Variants in SAMD4A observed in about 807,000 individuals in gnomAD.
SAMD4A encodes the protein protein Smaug homolog 1.
A neutral mutation model predicts 81.3 loss-of-function variants in SAMD4A; 33 were observed. The observed-to-expected ratio is 0.41, with a 90% CI of 0.31 to 0.54. The LOEUF is 0.54. SAMD4A is among the 20% of genes least tolerant of loss of function. The probability of loss-of-function intolerance (pLI) is 0.37; values close to 1 mark genes in which losing one functional copy is unlikely to be tolerated. For synonymous variants in SAMD4A, 389 were observed against 382.1 expected (o/e 1.02, Z -0.21); for missense variants, 854 against 951.1 (o/e 0.90, Z 1.34).
At chr14:54,582,739 C>G (rs917009907) in intron 2 of SAMD4A, among the ~76,000 whole-genome samples, 1 of 152,124 alleles carries the variant, frequency 6.6e-6, no homozygotes, top group Admixed American at 6.5e-5. Flanking sequence ...TTATACATTT[C>G]CTTCTGTTAT....
At chr14:54,683,410 A>G (rs900088532) in intron 2 of SAMD4A, among the ~76,000 whole-genome samples, 5 of 152,196 alleles carry the variant, frequency 3.3e-5, no homozygotes, top group African/African-American at 1.2e-4. Context: ...AAGATTGAGG[A>G]AAAATGCTGG....
intron 2 of SAMD4A, among the ~76,000 whole-genome samples, chr14:54,645,052 G>A (rs1257942699): frequency 6.6e-6 from 1 of 152,138 alleles, no homozygotes; most frequent in Non-Finnish European, 1.5e-5. Flanking sequence ...AAAGGTTGAT[G>A]GTGTAATAAT....
At chr14:54,638,404 G>C (rs1166324875) in intron 2 of SAMD4A, among the ~76,000 whole-genome samples, 1 of 152,176 alleles carries the variant, frequency 6.6e-6, no homozygotes, top group Non-Finnish European at 1.5e-5. Context: ...TTGAGCCAGA[G>C]CAAAGGAATT....
At chr14:54,770,252 G>C in intron 9 of SAMD4A, 30 bp downstream of exon 9, 1 of 1,467,456 alleles carries the variant, frequency 6.8e-7, no homozygotes. Flanking sequence ...TTTGTAATGC[G>C]TAGTGGTTCC....
intron 2 of SAMD4A, among the ~76,000 whole-genome samples, chr14:54,657,061 C>A (rs549254196): frequency 6.6e-6 from 1 of 151,990 alleles, no homozygotes; most frequent in African/African-American, 2.4e-5. Context: ...ATTCAGGATG[C>A]CTTTTGTAGA....
chr14:54,653,454 C>G (rs1047896500), intron 2 of SAMD4A, among the ~76,000 whole-genome samples: 1 of 151,758 alleles, frequency 6.6e-6, no homozygotes, highest in Non-Finnish European at 1.5e-5. Context: ...ATTCTTCTGC[C>G]TCAGCCTCCT....
At chr14:54,648,757 AAGT>A in intron 2 of SAMD4A, among the ~76,000 whole-genome samples, 1 of 152,094 alleles carries the variant, frequency 6.6e-6, no homozygotes, top group African/African-American at 2.4e-5. Flanking sequence ...ATGTGATGGG[AAGT>A]CTCTGGAAGA....
At chr14:54,761,292 A>G (rs1197741376) in intron 7 of SAMD4A, among the ~76,000 whole-genome samples, 2 of 152,126 alleles carry the variant, frequency 1.3e-5, no homozygotes, top group Non-Finnish European at 2.9e-5. Context: ...TGGAATTTGA[A>G]CCCTGCAGTC....
intron 3 of SAMD4A, among the ~76,000 whole-genome samples, chr14:54,714,290 C>A (rs1159592502): frequency 6.6e-6 from 1 of 152,082 alleles, no homozygotes; most frequent in Admixed American, 6.6e-5. Context: ...TCTAGTTTTT[C>A]TTTTTACAAT....
chr14:54,628,830 G>T (rs956496682), intron 2 of SAMD4A, among the ~76,000 whole-genome samples: 2 of 152,114 alleles, frequency 1.3e-5, no homozygotes, highest in African/African-American at 4.8e-5. Context: ...CTTAATCCAG[G>T]TTCTTCATTC....
intron 2 of SAMD4A, among the ~76,000 whole-genome samples, chr14:54,588,910 G>A (rs1275863902): frequency 6.6e-6 from 1 of 152,124 alleles, no homozygotes; most frequent in Non-Finnish European, 1.5e-5. Flanking sequence ...TATTAGAAGT[G>A]TATTTTCTTC....
At chr14:54,631,085 G>A (rs756325351) in intron 2 of SAMD4A, among the ~76,000 whole-genome samples, 1 of 151,902 alleles carries the variant, frequency 6.6e-6, no homozygotes, top group Non-Finnish European at 1.5e-5. Flanking sequence ...CATGGGAAAA[G>A]CTGATGTTTC....
intron 2 of SAMD4A, among the ~76,000 whole-genome samples, chr14:54,677,519 G>A (rs939212051): frequency 1.3e-5 from 2 of 152,182 alleles, no homozygotes; most frequent in Non-Finnish European, 2.9e-5. Flanking sequence ...GCTGCACAAT[G>A]CCATGACTCA....
chr14:54,758,611 C>T (rs574893226), intron 6 of SAMD4A, among the ~76,000 whole-genome samples: 1 of 152,348 alleles, frequency 6.6e-6, no homozygotes, highest in Admixed American at 6.5e-5. Context: ...GGACGGACCA[C>T]CTGGGGTCAG....
upstream of SAMD4A, among the ~76,000 whole-genome samples, chr14:54,565,439 C>G (rs1465030659): frequency 6.6e-6 from 1 of 152,244 alleles, no homozygotes; most frequent in Admixed American, 6.5e-5. The surrounding 1 kb of genome is among the most constrained non-coding windows in gnomAD (Gnocchi z 5.4). Flanking sequence ...TGCGCCAGAG[C>G]AAAGGGCATC....
At chr14:54,734,644 T>C (rs1483410409) in intron 3 of SAMD4A, among the ~76,000 whole-genome samples, 1 of 152,170 alleles carries the variant, frequency 6.6e-6, no homozygotes, top group African/African-American at 2.4e-5. Context: ...AGTGAAGTCC[T>C]TGGATAACTG....
At chr14:54,631,956 T>C (rs116060094) in intron 2 of SAMD4A, among the ~76,000 whole-genome samples, 1 of 152,342 alleles carries the variant, frequency 6.6e-6, no homozygotes, top group African/African-American at 2.4e-5. Context: ...CTACCGTTCA[T>C]TCATTCAGAG....
chr14:54,789,054 T>C lies in SAMD4A; in HGVS notation c.*110T>C, dbSNP rs1566642772. ...CCTCCAAGATACTTTGCAGCCTTTT[T>C]TCCCCCTGGTCCCTCTCCCGTTTTG... On this transcript the variant is annotated 3_prime_UTR_variant, in exon 13 of 13. Transcript: ENST00000554335. The C allele has an allele frequency of 2.4e-6, 3 of 1,234,654 alleles. No homozygotes were observed. The highest frequency in any genetic ancestry group is 1.9e-4 in the Middle Eastern group (1 of 5,384). 76.5% of individuals were successfully genotyped at this position (1,234,654 alleles called of 1,614,324 possible).
rs201940270 is a variant in SAMD4A, at chr14:54,770,864, G to GA, written c.1715+645dup. ...TGAACTGCAGTGACAATTTGTGGGA[G>GA]AAATTAAGGGTAGAGGAAGGGTTAA... On this transcript the variant is annotated intron_variant, in intron 9 of 12. Coordinates refer to ENST00000554335, the MANE Select transcript of SAMD4A (RefSeq NM_015589.6). Among the ~76,000 whole-genome samples the GA allele has an allele frequency of 9.7e-3, 1,485 of 152,318 alleles. 20 individuals carry two copies. The highest frequency in any genetic ancestry group is 0.034 in the African/African-American group (1,410 of 41,560).
Sources: gnomAD v4.1 joint callset for allele counts (sites outside exome capture counted in the v4.1 genomes callset) on GRCh38, gnomAD v4.1.1 for gene constraint, Gnocchi (gnomAD v3.1) non-coding constraint, MANE v1.5 for transcripts, NCBI Gene and HGNC (gene_info 2026-07-23, HGNC 2026-07-21) for gene names.